FBXW4: variants seen among roughly 807,000 people sequenced by gnomAD.
FBXW4 encodes the protein F-box and WD repeat domain containing 4.
FBXW4 carries 40 observed loss-of-function variants against 61.8 expected under a neutral mutation model. That is an observed-to-expected ratio of 0.65 (90% CI 0.50 to 0.84). FBXW4 has a LOEUF of 0.84. FBXW4 is among the 40% of genes least tolerant of loss of function. The pLI, the probability that FBXW4 is intolerant of heterozygous loss-of-function variation, is 0.00. For synonymous variants in FBXW4, 311 were observed against 313.8 expected (o/e 0.99, Z 0.10); for missense variants, 672 against 753.8 (o/e 0.89, Z 1.27).
chr10:101,646,436 C>G (rs2064097387), intron 5 of FBXW4, among the ~76,000 whole-genome samples: 1 of 152,178 alleles, frequency 6.6e-6, no homozygotes, highest in Non-Finnish European at 1.5e-5. Flanking sequence ...CCAGAAGGCC[C>G]AGGCTAGGCA....
At chr10:101,674,751 A>T (rs2064391912) in intron 2 of FBXW4, among the ~76,000 whole-genome samples, 1 of 152,212 alleles carries the variant, frequency 6.6e-6, no homozygotes, top group Non-Finnish European at 1.5e-5. Context: ...ATCCACAAAT[A>T]GTTAGATTCC....
chr10:101,663,199 C>A (rs2064263060), intron 5 of FBXW4, among the ~76,000 whole-genome samples: 1 of 152,192 alleles, frequency 6.6e-6, no homozygotes, highest in Non-Finnish European at 1.5e-5. Context: ...GACACTCCCC[C>A]TTCCTCCCCA....
intron 1 of FBXW4, among the ~76,000 whole-genome samples, chr10:101,688,637 A>G (rs896441620): frequency 6.6e-6 from 1 of 152,214 alleles, no homozygotes; most frequent in African/African-American, 2.4e-5. Flanking sequence ...AATTGATTAC[A>G]ATTGGAGTTC....
intron 5 of FBXW4, chr10:101,625,127 G>C (rs1052156949): frequency 1.2e-4 from 41 of 328,854 alleles, no homozygotes; most frequent in Non-Finnish European, 8.6e-5. Flanking sequence ...GCCCAGGAGA[G>C]AGCGAGCCTG....
At chr10:101,673,180 A>ACT in intron 3 of FBXW4, 133 bp from the exon 4 acceptor site, 1 of 1,121,364 alleles carries the variant, frequency 8.9e-7, no homozygotes, top group Non-Finnish European at 1.2e-6. Flanking sequence ...CAGCCCAGTA[A>ACT]GGTGCTGACT....
chr10:101,618,332 G>T (rs2063841583), intron 6 of FBXW4, among the ~76,000 whole-genome samples: 1 of 152,206 alleles, frequency 6.6e-6, no homozygotes, highest in Non-Finnish European at 1.5e-5. Flanking sequence ...AGCCACAGGG[G>T]TCAGGATCAA....
At chr10:101,632,616 A>G (rs1265226431) in intron 5 of FBXW4, among the ~76,000 whole-genome samples, 1 of 152,128 alleles carries the variant, frequency 6.6e-6, no homozygotes, top group Admixed American at 6.5e-5. Context: ...AGGAAATAAA[A>G]AACAAAAACT....
At chr10:101,657,154 T>C (rs2064193246) in intron 5 of FBXW4, among the ~76,000 whole-genome samples, 2 of 152,050 alleles carry the variant, frequency 1.3e-5, no homozygotes, top group African/African-American at 4.8e-5. Context: ...CCACAGACCA[T>C]GTTACCCATT....
intron 5 of FBXW4, among the ~76,000 whole-genome samples, chr10:101,644,571 G>A (rs1418821847): frequency 6.6e-6 from 1 of 152,142 alleles, no homozygotes; most frequent in East Asian, 1.9e-4. Context: ...GATCTGCTCT[G>A]CTCTCTCCAG....
chr10:101,611,371 A>G lies in FBXW4; in HGVS notation c.1624T>C (p.Tyr542His), dbSNP rs577315355. The G allele has an allele frequency of 1.1e-5, 18 of 1,614,138 alleles. No individual in the cohort carries two copies. In the South Asian group the frequency reaches 2.0e-4, roughly 18 times the overall value. ...LTSTPLSSPV[Y>H]CLRLTTKHLY... ...TGCTTGGTGGTGAGACGCAGGCAGT[A>G]CACAGGGCTGCTGAGGGGAGTCGAC... Residue 542 changes from tyrosine to histidine, a missense_variant, in exon 9 of 9, where the codon TAC becomes CAC. This residue lies in a region of FBXW4 where 312 missense variants were observed against 370.1 expected (regional missense o/e 0.84). Coordinates refer to ENST00000331272, the MANE Select transcript of FBXW4 (RefSeq NM_022039.4). This position sits in a 1 kb window ranked among gnomAD's most constrained non-coding sequence, Gnocchi z 4.9.
At position 101,619,520 on chromosome 10, in the gene FBXW4, G is replaced by A. The variant is rs1033679809; in HGVS notation, c.1301+5225C>T. ...TAAAAATACAAAAAATTAGCCAGGCGCGGTGGCAGGCACCTGTAGTCCCAG... is the reference window on the plus strand; with the variant it reads ...TAAAAATACAAAAAATTAGCCAGGCACGGTGGCAGGCACCTGTAGTCCCAG... On this transcript the variant is annotated intron_variant, in intron 6 of 8. Transcript: ENST00000331272. Among the ~76,000 whole-genome samples the A allele has an allele frequency of 9.2e-4, 140 of 152,186 alleles. 1 individual carries two copies. Among genetic ancestry groups the A allele is most frequent in the African/African-American group, 3.3e-3 (138 of 41,518 alleles).
chr10:101,640,484 CTTTTTTTTTTTT>C (rs386372272), intron 5 of FBXW4, among the ~76,000 whole-genome samples: 1 of 83,874 alleles, frequency 1.2e-5, no homozygotes, highest in Admixed American at 1.8e-4. Flanking sequence ...CTTTCTTTCT[CTTTTTTTTTTTT>C]TTTTTTTTTT....
intron 5 of FBXW4, among the ~76,000 whole-genome samples, chr10:101,665,811 A>T (rs10883674): frequency 6.6e-6 from 1 of 151,990 alleles, no homozygotes; most frequent in Non-Finnish European, 1.5e-5. Context: ...AACACATTCC[A>T]GAGGAGGAGG....
chr10:101,618,901 A>T (rs956891915), intron 6 of FBXW4, among the ~76,000 whole-genome samples: 2 of 151,968 alleles, frequency 1.3e-5, no homozygotes, highest in Non-Finnish European at 2.9e-5. Context: ...AGAAAAAAAA[A>T]ACCCACAGCA....
rs759980303 is a variant in FBXW4, at chr10:101,612,392, G to A, written c.1387C>T (p.Leu463=). The A allele has an allele frequency of 4.6e-5, 74 of 1,601,322 alleles. No homozygotes were observed. The Admixed American group carries it at 5.4e-4, about 12-fold the overall frequency. Residue 463 remains leucine (L), a synonymous_variant, in exon 7 of 9, where the codon CTG becomes TTG. Transcript: ENST00000331272. ...DVMYESPFTL[L]SCGYDTYVRY... ...ACATAGGTGTCATAGCCACAGGACAGCAGTGTGAAAGGGGACTCATACATG... is the reference window on the plus strand; with the variant it reads ...ACATAGGTGTCATAGCCACAGGACAACAGTGTGAAAGGGGACTCATACATG...
intron 2 of FBXW4, among the ~76,000 whole-genome samples, chr10:101,675,142 T>C (rs1234155914): frequency 6.6e-6 from 1 of 152,256 alleles, no homozygotes; most frequent in East Asian, 1.9e-4. Context: ...TTTCTGCTCA[T>C]GAGGTTTTTA....
At chr10:101,618,891 A>G (rs1318887458) in intron 6 of FBXW4, among the ~76,000 whole-genome samples, 1 of 146,090 alleles carries the variant, frequency 6.8e-6, no homozygotes, top group Non-Finnish European at 1.6e-5. Context: ...GCCCCTTGGC[A>G]GAAAAAAAAA....
chr10:101,628,469 G>A (rs1446179224), intron 5 of FBXW4, among the ~76,000 whole-genome samples: 2 of 152,138 alleles, frequency 1.3e-5, no homozygotes, highest in Non-Finnish European at 2.9e-5. Context: ...GTACTGTACT[G>A]TCTAGCACAG....
chr10:101,661,271 G>A (rs531332028), intron 5 of FBXW4, among the ~76,000 whole-genome samples: 9 of 152,266 alleles, frequency 5.9e-5, no homozygotes, highest in East Asian at 5.8e-4. Context: ...GCCAGGGCTC[G>A]GAGAGTGCTG....
Sources: gnomAD v4.1 joint callset for allele counts (sites outside exome capture counted in the v4.1 genomes callset) on GRCh38, gnomAD v4.1.1 for gene constraint, gnomAD v4.1.1 regional missense constraint, Gnocchi (gnomAD v3.1) non-coding constraint, MANE v1.5 for transcripts, NCBI Gene and HGNC (gene_info 2026-07-23, HGNC 2026-07-21) for gene names.